The following DCP2 variants were observed in gnomAD, a reference collection of about 807,000 sequenced individuals.
The protein encoded by DCP2 is m7GpppN-mRNA hydrolase.
DCP2 carries 30 observed loss-of-function variants against 56.1 expected under a neutral mutation model. The observed-to-expected ratio is 0.53, with a 90% CI of 0.40 to 0.73. The LOEUF (loss-of-function observed/expected upper bound fraction) is 0.73. Among genes scored for constraint, DCP2 ranks in the 30% least tolerant of loss-of-function variants. The pLI is 0.00. For missense variants in DCP2, 533 were observed against 502.7 expected (o/e 1.06, Z -0.58); for synonymous variants, 197 against 163.3 (o/e 1.21, Z -1.57).
chr5:113,013,629 TAGAA>T lies in DCP2; in HGVS notation c.*151_*154del. On this transcript the variant is annotated 3_prime_UTR_variant, in exon 11 of 11. Coordinates refer to ENST00000389063, the MANE Select transcript of DCP2 (RefSeq NM_152624.6). ...AAGACATTTTCTGTTTATAAGAGAG[TAGAA>T]AGAAACACGAGTTTGCACTGTAAAT... 3.0e-6 allele frequency: 3 copies of T among 986,706 alleles called. No homozygotes were observed. The highest frequency in any genetic ancestry group is 4.5e-6 in the Non-Finnish European group (3 of 673,268). The allele number at this position is 986,706 out of a possible 1,614,324, so 61.1% of individuals were successfully genotyped here.
intron 10 of DCP2, 82 bp from the exon 11 acceptor site, chr5:113,013,239 T>G: frequency 1.4e-6 from 2 of 1,423,868 alleles, no homozygotes; most frequent in South Asian, 2.8e-5. Flanking sequence ...AAACTAATTG[T>G]TTTGTAACAA....
intron 4 of DCP2, among the ~76,000 whole-genome samples, chr5:112,998,581 A>G (rs757353108): frequency 1.3e-5 from 2 of 152,274 alleles, no homozygotes; most frequent in East Asian, 3.8e-4. Flanking sequence ...CTAAGCACAA[A>G]GTACATAGTT....
In DCP2 at chr5:113,015,831, C is replaced by A. The variant is rs554120806; in HGVS notation, c.*2347C>A. 2 of 152,604 alleles carry A rather than the reference C, an allele frequency of 1.3e-5. No homozygotes were observed. Among genetic ancestry groups the A allele is most frequent in the Non-Finnish European group, 2.9e-5 (2 of 68,034 alleles). 9.5% of individuals were successfully genotyped at this position (152,604 alleles called of 1,614,324 possible). On this transcript the variant is annotated 3_prime_UTR_variant, in exon 11 of 11. Transcript: ENST00000389063. Reference sequence around the variant, plus strand: ...TCAGGTTACCTTGAGAAAGGCCATGCTTAGCGAACTGGATTTCTCCTTTGA... The same window carrying A: ...TCAGGTTACCTTGAGAAAGGCCATGATTAGCGAACTGGATTTCTCCTTTGA...
chr5:112,991,306 C>T (rs986489749), intron 2 of DCP2, among the ~76,000 whole-genome samples: 3 of 152,102 alleles, frequency 2.0e-5, no homozygotes, highest in Non-Finnish European at 2.9e-5. Flanking sequence ...ATCATTTTCT[C>T]TATGCTTTTT....
chr5:113,006,111 T>TA (rs1230534971), intron 8 of DCP2, among the ~76,000 whole-genome samples: 11 of 127,402 alleles, frequency 8.6e-5, no homozygotes, highest in African/African-American at 3.6e-4. Flanking sequence ...AGTGGGACCC[T>TA]ATCTCCAAAA....
chr5:113,000,114 C>T (rs1260760702), intron 4 of DCP2, among the ~76,000 whole-genome samples: 3 of 151,390 alleles, frequency 2.0e-5, no homozygotes, highest in African/African-American at 7.3e-5. Context: ...ACCACCATGC[C>T]AGGCTAATTT....
intron 2 of DCP2, among the ~76,000 whole-genome samples, chr5:112,986,997 C>T (rs988495956): frequency 7.2e-5 from 11 of 152,078 alleles, no homozygotes; most frequent in East Asian, 1.9e-4. Flanking sequence ...AGTGAGATTC[C>T]GTCTCAAAGA....
At chr5:113,004,949 C>G (rs1449499894) in intron 8 of DCP2, among the ~76,000 whole-genome samples, 1 of 151,666 alleles carries the variant, frequency 6.6e-6, no homozygotes, top group Non-Finnish European at 1.5e-5. Flanking sequence ...CATGGTGAAA[C>G]CCCGTCTTTA....
At chr5:112,993,883 CACAT>C (rs1748715744) in intron 4 of DCP2, among the ~76,000 whole-genome samples, 1 of 151,900 alleles carries the variant, frequency 6.6e-6, no homozygotes, top group African/African-American at 2.4e-5. Flanking sequence ...TAAATATGAA[CACAT>C]ACACATACAA....
chr5:112,988,434 G>T (rs1219526290), intron 2 of DCP2, among the ~76,000 whole-genome samples: 1 of 148,718 alleles, frequency 6.7e-6, no homozygotes, highest in Non-Finnish European at 1.5e-5. Flanking sequence ...AGAGCTTGCA[G>T]TGAGCCGAGT....
At position 113,013,434 on chromosome 5, in the gene DCP2, T is replaced by C. The variant is rs756653389; in HGVS notation, c.1213T>C (p.Leu405=). 4.3e-6 allele frequency: 7 copies of C among 1,614,026 alleles called. No individual in the cohort carries two copies. The highest frequency in any genetic ancestry group is 2.2e-5 in the South Asian group (2 of 91,090). ...GTTCCCCTTTTCATCCAGAGCCTTTTTGAGTTTCAAGTTTGACCATAATGC... is the reference window on the plus strand; with the variant it reads ...GTTCCCCTTTTCATCCAGAGCCTTTCTGAGTTTCAAGTTTGACCATAATGC... ...CKFPFSSRAF[L]SFKFDHNAIM... Residue 405 remains leucine (L), a synonymous_variant, in exon 11 of 11, where the codon TTG becomes CTG. Transcript: ENST00000389063.
At chr5:113,007,908 T>G in intron 8 of DCP2, 30 bp from the exon 9 acceptor site, 2 of 1,580,472 alleles carry the variant, frequency 1.3e-6, no homozygotes, top group South Asian at 1.1e-5. Flanking sequence ...ATGCTATAGA[T>G]TCATATTATA....
chr5:112,984,940 C>T lies in DCP2; in HGVS notation c.54-895C>T, dbSNP rs554749127. 4.0e-5 allele frequency among the ~76,000 whole-genome samples: 6 copies of T among 151,598 alleles called. No homozygotes were observed. In the South Asian group the frequency reaches 1.3e-3, roughly 32 times the overall value. ...AGAGTATTCTTATGCTTATTTGAAACTTGGAAACAGCCAAGAATTATTTAC... is the reference window on the plus strand; with the variant it reads ...AGAGTATTCTTATGCTTATTTGAAATTTGGAAACAGCCAAGAATTATTTAC... On this transcript the variant is annotated intron_variant, in intron 1 of 10. Transcript: ENST00000389063.
intron 1 of DCP2, among the ~76,000 whole-genome samples, chr5:112,978,013 T>G: frequency 6.6e-6 from 1 of 152,182 alleles, no homozygotes; most frequent in Non-Finnish European, 1.5e-5. Flanking sequence ...AGCCTCTTTC[T>G]TTTGCCCAGG....
intron 4 of DCP2, among the ~76,000 whole-genome samples, chr5:112,995,270 T>G (rs1297862222): frequency 6.6e-6 from 1 of 152,224 alleles, no homozygotes; most frequent in Non-Finnish European, 1.5e-5. Context: ...ATGTGAGGAA[T>G]TGCCATATCA....
chr5:112,979,450 G>A (rs1747895759), intron 1 of DCP2, among the ~76,000 whole-genome samples: 1 of 151,862 alleles, frequency 6.6e-6, no homozygotes, highest in Non-Finnish European at 1.5e-5. Flanking sequence ...CTTAATTTGA[G>A]GTTAATTTTT....
intron 8 of DCP2, 117 bp downstream of exon 8, chr5:113,004,194 G>A (rs1749308722): frequency 8.6e-7 from 1 of 1,163,686 alleles, no homozygotes; most frequent in Non-Finnish European, 1.2e-6. Context: ...ACTGATCAAA[G>A]CCTGTATGTT....
chr5:112,992,508 T>C (rs1448825937), intron 3 of DCP2, among the ~76,000 whole-genome samples, 164 bp from the exon 4 acceptor site: 2 of 152,300 alleles, frequency 1.3e-5, no homozygotes, highest in South Asian at 4.1e-4. Flanking sequence ...GCTTTCACAC[T>C]GGTGGTGATG....
At chr5:112,998,842 G>C (rs983066272) in intron 4 of DCP2, among the ~76,000 whole-genome samples, 1 of 152,182 alleles carries the variant, frequency 6.6e-6, no homozygotes, top group African/African-American at 2.4e-5. Context: ...TTTTAAGAAC[G>C]AGGAGTTCTT....
Sources: gnomAD v4.1 joint callset for allele counts (sites outside exome capture counted in the v4.1 genomes callset) on GRCh38, gnomAD v4.1.1 for gene constraint, MANE v1.5 for transcripts, NCBI Gene and HGNC (gene_info 2026-07-23, HGNC 2026-07-21) for gene names.